The following RELN variants were observed in gnomAD, a reference collection of about 807,000 sequenced individuals.
RELN encodes the protein reelin.
A neutral mutation model predicts 427.6 loss-of-function variants in RELN; 108 were observed. The observed-to-expected ratio is 0.25, with a 90% CI of 0.22 to 0.30. RELN has a LOEUF of 0.30. Among genes scored for constraint, RELN ranks in the 10% least tolerant of loss-of-function variants. The pLI is 1.00. For missense variants in RELN, 3,715 were observed against 4,302.8 expected, an observed-to-expected ratio of 0.86 and a Z score of 3.82; for synonymous variants, 1,524 against 1,513.4, an observed-to-expected ratio of 1.01 and a Z score of -0.16.
intron 46 of RELN, among the ~76,000 whole-genome samples, chr7:103,523,839 A>G (rs1829763244): frequency 6.6e-6 from 1 of 151,970 alleles, no homozygotes. Flanking sequence ...TACAACACCC[A>G]GTTAATTTTT....
intron 2 of RELN, among the ~76,000 whole-genome samples, chr7:103,844,325 G>A (rs920009474): frequency 1.3e-5 from 2 of 152,010 alleles, no homozygotes; most frequent in Admixed American, 1.3e-4. Context: ...ACCTATCTGG[G>A]AAGTTTACTA....
intron 17 of RELN, among the ~76,000 whole-genome samples, chr7:103,638,770 T>C (rs1470557183): frequency 6.6e-6 from 1 of 152,170 alleles, no homozygotes; most frequent in Non-Finnish European, 1.5e-5. Flanking sequence ...GAATAATGGA[T>C]GGTGTCAAAA....
chr7:103,675,551 T>G (rs930913811), intron 11 of RELN, among the ~76,000 whole-genome samples: 13 of 152,128 alleles, frequency 8.5e-5, no homozygotes, highest in Non-Finnish European at 1.6e-4. Context: ...AAAGTTCATA[T>G]GGAACCAAAA....
In RELN at chr7:103,688,372, T is replaced by C. The variant is rs142659669; in HGVS notation, c.1144-6111A>G. Among the ~76,000 whole-genome samples, 641 of 152,232 alleles carry C rather than the reference T, an allele frequency of 4.2e-3. 15 individuals carry two copies. Among genetic ancestry groups the C allele is most frequent in the Admixed American group, 0.029 (446 of 15,262 alleles). On this transcript the variant is annotated intron_variant, in intron 10 of 64. Transcript: ENST00000428762. Reference sequence around the variant, plus strand: ...AGTAAATCTGATTTTCTCTTATTTGTCCTGTATATTGTCAGAATATAAAAC... The same window carrying C: ...AGTAAATCTGATTTTCTCTTATTTGCCCTGTATATTGTCAGAATATAAAAC...
intron 60 of RELN, among the ~76,000 whole-genome samples, chr7:103,487,001 C>G (rs1828464204): frequency 1.3e-5 from 2 of 152,190 alleles, no homozygotes; most frequent in Admixed American, 1.3e-4. Context: ...GACTTGGAAC[C>G]AACCCAAATG....
At chr7:103,779,973 G>A (rs1327803056) in intron 3 of RELN, among the ~76,000 whole-genome samples, 1 of 152,160 alleles carries the variant, frequency 6.6e-6, no homozygotes, top group African/African-American at 2.4e-5. Flanking sequence ...TGATCTGCCT[G>A]CCTCAGCCTC....
intron 22 of RELN, among the ~76,000 whole-genome samples, chr7:103,607,006 G>A (rs564041054): frequency 1.7e-3 from 253 of 148,230 alleles, no homozygotes; most frequent in Non-Finnish European, 3.3e-3. Context: ...CAAAGGACAC[G>A]AACTCATCAT....
chr7:103,707,504 C>CTTT lies in RELN; in HGVS notation c.806-6501_806-6499dup, dbSNP rs543258102. On this transcript the variant is annotated intron_variant, in intron 8 of 64. Transcript: ENST00000428762. ...GCTTGCAAATCTATTTCTTTCTTTT[C>CTTT]TTTTTTTTTTTTTGAGATGGAGTCT... Among the ~76,000 whole-genome samples the CTTT allele has an allele frequency of 7.1e-3, 1,024 of 143,400 alleles. 23 individuals are homozygous for CTTT. Among genetic ancestry groups the CTTT allele is most frequent in the African/African-American group, 0.025 (982 of 39,014 alleles). The allele number at this position is 143,400 out of a possible 152,430, so 94.1% of individuals were successfully genotyped here.
At chr7:103,869,071 T>C (rs1442308674) in intron 2 of RELN, among the ~76,000 whole-genome samples, 1 of 152,082 alleles carries the variant, frequency 6.6e-6, no homozygotes, top group African/African-American at 2.4e-5. Flanking sequence ...AGTTCAATGC[T>C]TTTTATTTGT....
intron 1 of RELN, among the ~76,000 whole-genome samples, chr7:103,972,582 TG>T (rs1796785919): frequency 1.3e-5 from 2 of 152,124 alleles, no homozygotes; most frequent in African/African-American, 4.8e-5. Flanking sequence ...TCACAATGAC[TG>T]GCGTTGGCCA....
intron 51 of RELN, among the ~76,000 whole-genome samples, chr7:103,510,255 T>C (rs999491986): frequency 6.6e-6 from 1 of 152,168 alleles, no homozygotes; most frequent in Admixed American, 6.5e-5. Flanking sequence ...CCATCAATGA[T>C]AGACTGGATA....
chr7:103,599,605 C>G (rs980121568), intron 24 of RELN, among the ~76,000 whole-genome samples: 3 of 152,070 alleles, frequency 2.0e-5, no homozygotes, highest in African/African-American at 7.2e-5. Context: ...ATGTAAAAAT[C>G]AGAGAGGAAT....
At chr7:103,597,512 A>T (rs2117257242) in intron 24 of RELN, among the ~76,000 whole-genome samples, 1 of 152,310 alleles carries the variant, frequency 6.6e-6, no homozygotes. Context: ...CTGAGGCAGG[A>T]GAATCACTTA....
chr7:103,753,046 A>T (rs1791046756), intron 5 of RELN, 136 bp downstream of exon 5: 1 of 867,982 alleles, frequency 1.2e-6, no homozygotes. Flanking sequence ...TCCGTACCCA[A>T]GTCCAATTTC....
intron 8 of RELN, among the ~76,000 whole-genome samples, chr7:103,714,500 G>A (rs1320093198): frequency 2.6e-5 from 4 of 152,108 alleles, no homozygotes; most frequent in Non-Finnish European, 5.9e-5. Context: ...TTGAGTCAAC[G>A]GTCTGCCTGG....
At chr7:103,785,635 G>T (rs1791996084) in intron 3 of RELN, among the ~76,000 whole-genome samples, 1 of 152,020 alleles carries the variant, frequency 6.6e-6, no homozygotes, top group South Asian at 2.1e-4. Flanking sequence ...CAGCAGATCT[G>T]GAATCAGAAG....
intron 2 of RELN, among the ~76,000 whole-genome samples, chr7:103,850,382 A>C (rs1793793532): frequency 6.6e-6 from 1 of 152,186 alleles, no homozygotes; most frequent in Admixed American, 6.5e-5. Context: ...CCTAGAGCTG[A>C]GTCAAGTTAA....
chr7:103,485,618 CCTT>C (rs1234527728), intron 61 of RELN, among the ~76,000 whole-genome samples: 1 of 152,172 alleles, frequency 6.6e-6, no homozygotes, highest in Non-Finnish European at 1.5e-5. Flanking sequence ...GAAATTCAAT[CCTT>C]CTTATGTCTT....
chr7:103,985,180 A>G (rs73405684), intron 1 of RELN, among the ~76,000 whole-genome samples: 11,229 of 152,248 alleles, frequency 0.074, 534 homozygotes, highest in South Asian at 0.15. Flanking sequence ...GTAGATATAC[A>G]GCATGAAAAA....
Sources: gnomAD v4.1 joint callset for allele counts (sites outside exome capture counted in the v4.1 genomes callset) on GRCh38, gnomAD v4.1.1 for gene constraint, MANE v1.5 for transcripts, NCBI Gene and HGNC (gene_info 2026-07-23, HGNC 2026-07-21) for gene names.